DCAKD: variants seen among roughly 807,000 people sequenced by gnomAD.
DCAKD encodes the protein dephospho-CoA kinase domain-containing protein.
A neutral mutation model predicts 18.7 loss-of-function variants in DCAKD; 15 were observed. The observed-to-expected ratio is 0.80, with a 90% CI of 0.54 to 1.24. The LOEUF (loss-of-function observed/expected upper bound fraction) is 1.24. Ranked by LOEUF, DCAKD falls within the 50% of genes most tolerant of loss-of-function variation. The pLI is 0.00. For synonymous variants in DCAKD, 130 were observed against 133.0 expected, an observed-to-expected ratio of 0.98 and a Z score of 0.16; for missense variants, 301 against 322.0, an observed-to-expected ratio of 0.93 and a Z score of 0.50.
chr17:45,046,040 T>C (rs906276518), intron 1 of DCAKD, among the ~76,000 whole-genome samples: 5 of 151,420 alleles, frequency 3.3e-5, no homozygotes, highest in Non-Finnish European at 7.4e-5. Context: ...TTGGCCAGGC[T>C]GGTTTCGAAC....
chr17:45,036,312 C>G (rs911084039), intron 1 of DCAKD, among the ~76,000 whole-genome samples: 2 of 152,106 alleles, frequency 1.3e-5, no homozygotes, highest in African/African-American at 4.8e-5. Flanking sequence ...GTGAGGAGAT[C>G]GAGACCATCC....
In DCAKD at chr17:45,024,702, G is replaced by T; in HGVS notation, c.427C>A (p.Arg143=). The T allele has an allele frequency of 6.3e-7, 1 of 1,586,590 alleles. No individual in the cohort carries two copies. The highest frequency in any genetic ancestry group is 2.3e-5 in the East Asian group (1 of 44,318). ...TTCAGGCTGTTCCGCCGCATCAGCC[G>T]TGCCAGCTGTGTGTCCCGGTCGCTA... ...VYCDRDTQLA[R]LMRRNSLNRK... The change falls in exon 5 of 5, where the codon CGG becomes AGG. Residue 143 remains arginine (R), a synonymous_variant. Coordinates refer to ENST00000651974, the MANE Select transcript of DCAKD (RefSeq NM_001288655.2).
chr17:45,050,471 A>C (rs1387472525), intron 1 of DCAKD, among the ~76,000 whole-genome samples: 1 of 152,128 alleles, frequency 6.6e-6, no homozygotes, highest in Non-Finnish European at 1.5e-5. Flanking sequence ...TTATTTACCA[A>C]GGGGACAGAT....
chr17:45,029,317 C>T (rs769984396), intron 4 of DCAKD, among the ~76,000 whole-genome samples: 27 of 152,248 alleles, frequency 1.8e-4, no homozygotes, highest in Non-Finnish European at 1.8e-4. Context: ...CAGGCTCCGC[C>T]TCCAGCGTGC....
intron 1 of DCAKD, among the ~76,000 whole-genome samples, chr17:45,058,822 G>A (rs2053816459): frequency 6.6e-6 from 1 of 152,176 alleles, no homozygotes; most frequent in Non-Finnish European, 1.5e-5. Flanking sequence ...GGAGAGTTGA[G>A]TGTGGTGACA....
intron 1 of DCAKD, among the ~76,000 whole-genome samples, chr17:45,044,673 CAGAG>C (rs58680098): frequency 0.23 from 34,481 of 150,108 alleles, 4,674 homozygotes; most frequent in African/African-American, 0.36. Flanking sequence ...GCCTGGGAGA[CAGAG>C]AGAGACTCCA....
At chr17:45,056,705 C>T (rs928644363) in intron 1 of DCAKD, among the ~76,000 whole-genome samples, 5 of 152,106 alleles carry the variant, frequency 3.3e-5, no homozygotes, top group African/African-American at 1.2e-4. Flanking sequence ...AAACTCCTGA[C>T]CTCAGGTGAT....
At chr17:45,025,388 G>C (rs2053033248) in intron 4 of DCAKD, among the ~76,000 whole-genome samples, 1 of 152,126 alleles carries the variant, frequency 6.6e-6, no homozygotes. Flanking sequence ...CATGAGAATT[G>C]GTCCCCCTTA....
chr17:45,034,709 T>A, intron 2 of DCAKD, 65 bp downstream of exon 2: 2 of 1,530,584 alleles, frequency 1.3e-6, no homozygotes, highest in Non-Finnish European at 1.8e-6. Flanking sequence ...AAAGGAGGCA[T>A]GGCAGAAGGC....
At chr17:45,025,577 T>C (rs1048403685) in intron 4 of DCAKD, among the ~76,000 whole-genome samples, 3 of 152,118 alleles carry the variant, frequency 2.0e-5, no homozygotes, top group Admixed American at 6.5e-5. Flanking sequence ...GGGTTACCTC[T>C]AACACCCCTC....
At chr17:45,043,431 C>T (rs879883587) in intron 1 of DCAKD, among the ~76,000 whole-genome samples, 10 of 152,112 alleles carry the variant, frequency 6.6e-5, no homozygotes, top group Admixed American at 3.9e-4. Flanking sequence ...TATGTATGTC[C>T]GCCACTTGAA....
At chr17:45,027,909 C>T (rs866332627) in intron 4 of DCAKD, among the ~76,000 whole-genome samples, 3 of 150,980 alleles carry the variant, frequency 2.0e-5, no homozygotes, top group African/African-American at 7.3e-5. Flanking sequence ...TCACTTGAAC[C>T]TGGGAGGCAG....
At chr17:45,047,746 G>A (rs1477342791) in intron 1 of DCAKD, among the ~76,000 whole-genome samples, 2 of 151,766 alleles carry the variant, frequency 1.3e-5, no homozygotes, top group Admixed American at 6.6e-5. Flanking sequence ...CTTGTGATCC[G>A]CCCACCTTGG....
chr17:45,056,151 G>C (rs1043410950), upstream of DCAKD, among the ~76,000 whole-genome samples: 4 of 109,286 alleles, frequency 3.7e-5, no homozygotes, highest in African/African-American at 1.5e-4. Context: ...GCAAAGCTCC[G>C]TCTCAAAAAA....
chr17:45,057,640 T>C (rs1465760650), intron 1 of DCAKD, among the ~76,000 whole-genome samples: 2 of 149,242 alleles, frequency 1.3e-5, no homozygotes, highest in Non-Finnish European at 3.0e-5. Context: ...GAGGCAGAGG[T>C]TGCAGTGAGC....
intron 1 of DCAKD, among the ~76,000 whole-genome samples, chr17:45,057,877 G>GGA (rs1204533621): frequency 3.3e-5 from 5 of 150,828 alleles, no homozygotes; most frequent in African/African-American, 9.8e-5. Flanking sequence ...TGGGCGTGGT[G>GGA]GCAGGCACCT....
chr17:45,032,164 G>A, intron 3 of DCAKD: 1 of 979,148 alleles, frequency 1.0e-6, no homozygotes, highest in Non-Finnish European at 1.2e-6. Context: ...ATGAAAGGCA[G>A]ATGACTTCAC....
At chr17:45,036,376 C>G (rs1487722549) in intron 1 of DCAKD, among the ~76,000 whole-genome samples, 1 of 152,148 alleles carries the variant, frequency 6.6e-6, no homozygotes, top group Non-Finnish European at 1.5e-5. Context: ...ATTAGCCAGG[C>G]CTGGTGGCGG....
rs763748599 is a variant in DCAKD at position 45,034,937 on chromosome 17, T to C, written c.-52A>G. 4 of 1,594,378 alleles carry C rather than the reference T, an allele frequency of 2.5e-6. No homozygotes were observed. Among genetic ancestry groups the C allele is most frequent in the Non-Finnish European group, 3.4e-6 (4 of 1,165,632 alleles). ...GACTACGGAGCCAGGAGCTACAGAATCACTGGAGAGCAGGGCAAGTGTGGC... is the reference window on the plus strand; with the variant it reads ...GACTACGGAGCCAGGAGCTACAGAACCACTGGAGAGCAGGGCAAGTGTGGC... On this transcript the variant is annotated 5_prime_UTR_variant, in exon 2 of 5. Coordinates refer to ENST00000651974, the MANE Select transcript of DCAKD (RefSeq NM_001288655.2).
Sources: gnomAD v4.1 joint callset for allele counts (sites outside exome capture counted in the v4.1 genomes callset) on GRCh38, gnomAD v4.1.1 for gene constraint, MANE v1.5 for transcripts, NCBI Gene and HGNC (gene_info 2026-07-23, HGNC 2026-07-21) for gene names.